TJP1: variants seen among roughly 807,000 people sequenced by gnomAD.
TJP1 encodes the protein tight junction protein ZO-1.
In TJP1, 43 loss-of-function variants were observed where a neutral mutation model predicts 194.2. That is an observed-to-expected ratio of 0.22 (90% CI 0.17 to 0.29). The LOEUF (loss-of-function observed/expected upper bound fraction) is 0.29, where lower values mean the gene tolerates loss of function less well. Among genes scored for constraint, TJP1 ranks in the 10% least tolerant of loss-of-function variants. TJP1 has a pLI of 1.00. For missense variants in TJP1, 1,971 were observed against 2,185.7 expected (o/e 0.90, Z 1.96); for synonymous variants, 801 against 779.0 (o/e 1.03, Z -0.47).
At chr15:29,961,327 C>T (rs1210851480) in intron 1 of TJP1, among the ~76,000 whole-genome samples, 1 of 142,958 alleles carries the variant, frequency 7.0e-6, no homozygotes, top group African/African-American at 2.6e-5. Context: ...TTTTACTTTT[C>T]CTAATTCTTT....
intron 2 of TJP1, among the ~76,000 whole-genome samples, chr15:29,895,859 T>C (rs894409315): frequency 1.3e-5 from 2 of 152,184 alleles, no homozygotes; most frequent in Non-Finnish European, 2.9e-5. Flanking sequence ...CAACAGTTAT[T>C]TATTTCTCTG....
At chr15:29,920,559 T>G (rs533699658) in intron 2 of TJP1, among the ~76,000 whole-genome samples, 1 of 152,332 alleles carries the variant, frequency 6.6e-6, no homozygotes, top group South Asian at 2.1e-4. Flanking sequence ...CGCCTCAGCC[T>G]TCCCTTCCAA....
intron 2 of TJP1, among the ~76,000 whole-genome samples, chr15:29,859,813 T>C (rs1312969221): frequency 1.3e-5 from 2 of 152,338 alleles, no homozygotes; most frequent in South Asian, 2.1e-4. Flanking sequence ...TTAGTATCCC[T>C]TGACTGGAAG....
chr15:29,815,323 T>C (rs2049837530), intron 1 of TJP1, among the ~76,000 whole-genome samples: 1 of 152,370 alleles, frequency 6.6e-6, no homozygotes, highest in Non-Finnish European at 1.5e-5. Context: ...TATCCTAATG[T>C]CTATTTCTTT....
chr15:29,716,068 T>A (rs759411204), intron 23 of TJP1, among the ~76,000 whole-genome samples: 1 of 152,060 alleles, frequency 6.6e-6, no homozygotes, highest in African/African-American at 2.4e-5. Context: ...AACCCAGGGA[T>A]GAGTAAACGG....
chr15:29,709,158 G>A, intron 24 of TJP1, 122 bp from the exon 25 acceptor site: 2 of 897,052 alleles, frequency 2.2e-6, no homozygotes, highest in Non-Finnish European at 3.4e-6. Context: ...GCCAGAGCCT[G>A]ACTCTTGAGC....
At chr15:29,908,003 C>T (rs1005842628) in intron 2 of TJP1, among the ~76,000 whole-genome samples, 2 of 96,934 alleles carry the variant, frequency 2.1e-5, no homozygotes, top group Admixed American at 2.8e-4. Context: ...GGGAAAAACA[C>T]CGATAGAAAT....
intron 2 of TJP1, among the ~76,000 whole-genome samples, chr15:29,891,364 C>CT (rs1219373730): frequency 6.6e-6 from 1 of 152,186 alleles, no homozygotes; most frequent in Non-Finnish European, 1.5e-5. Flanking sequence ...TTTTGGTCAT[C>CT]TTTTCTTTGC....
chr15:29,807,718 G>A (rs1418648918), intron 1 of TJP1, among the ~76,000 whole-genome samples: 3 of 151,914 alleles, frequency 2.0e-5, no homozygotes, highest in Non-Finnish European at 4.4e-5. Context: ...TATTACAGAT[G>A]GAGAATGTAA....
intron 2 of TJP1, among the ~76,000 whole-genome samples, chr15:29,779,091 C>T (rs866142908): frequency 6.6e-6 from 1 of 152,214 alleles, no homozygotes; most frequent in Non-Finnish European, 1.5e-5. Flanking sequence ...TTACAGATAA[C>T]TTCCGAATGT....
At chr15:29,828,655 T>TA (rs1362005443) in intron 2 of TJP1, among the ~76,000 whole-genome samples, 1 of 152,162 alleles carries the variant, frequency 6.6e-6, no homozygotes, top group Non-Finnish European at 1.5e-5. Context: ...ATTTGCCTAT[T>TA]ACATCACTTA....
chr15:29,753,415 C>T (rs1310562884), intron 8 of TJP1, among the ~76,000 whole-genome samples: 1 of 132,914 alleles, frequency 7.5e-6, no homozygotes, highest in Non-Finnish European at 1.5e-5. Context: ...ACCTGGGAGG[C>T]GGAGCTCGCA....
chr15:29,935,268 G>C (rs960360039), intron 2 of TJP1, among the ~76,000 whole-genome samples: 2 of 152,108 alleles, frequency 1.3e-5, no homozygotes, highest in Admixed American at 1.3e-4. Flanking sequence ...AATGTTCCTT[G>C]AATTTCAACC....
intron 11 of TJP1, among the ~76,000 whole-genome samples, chr15:29,735,588 GAAA>G (rs79594334): frequency 1.1e-5 from 1 of 91,660 alleles, no homozygotes. Context: ...CTGTCTCAAG[GAAA>G]AAAAAAAAAA....
chr15:29,846,880 G>A (rs1567129443), intron 2 of TJP1, among the ~76,000 whole-genome samples: 2 of 151,702 alleles, frequency 1.3e-5, no homozygotes, highest in Non-Finnish European at 2.9e-5. Flanking sequence ...GAGCCGAGAT[G>A]GTGCCACTGC....
At chr15:29,929,562 C>T (rs948400723) in intron 2 of TJP1, among the ~76,000 whole-genome samples, 3 of 151,816 alleles carry the variant, frequency 2.0e-5, no homozygotes, top group South Asian at 2.1e-4. Flanking sequence ...CTGGGTGTGG[C>T]GGTGAATGTC....
intron 4 of TJP1, among the ~76,000 whole-genome samples, chr15:29,770,376 T>G (rs1316136906): frequency 1.3e-5 from 2 of 151,922 alleles, no homozygotes; most frequent in Non-Finnish European, 2.9e-5. Context: ...GAGGTTGCGG[T>G]GAGCCAAGAT....
At chr15:29,896,239 G>T (rs1268283706) in intron 2 of TJP1, among the ~76,000 whole-genome samples, 2 of 152,178 alleles carry the variant, frequency 1.3e-5, no homozygotes, top group African/African-American at 2.4e-5. Context: ...AATGATGGGG[G>T]CGGATCTTTC....
intron 2 of TJP1, among the ~76,000 whole-genome samples, chr15:29,954,070 C>A (rs986160422): frequency 6.6e-6 from 1 of 152,190 alleles, no homozygotes; most frequent in Non-Finnish European, 1.5e-5. Flanking sequence ...ATAGAAAAAC[C>A]ATCAAAAAGA....
Sources: gnomAD v4.1 joint callset for allele counts (sites outside exome capture counted in the v4.1 genomes callset) on GRCh38, gnomAD v4.1.1 for gene constraint, MANE v1.5 for transcripts, NCBI Gene and HGNC (gene_info 2026-07-23, HGNC 2026-07-21) for gene names.